ZNF589: variants seen among roughly 807,000 people sequenced by gnomAD.
ZNF589 encodes the protein zinc finger protein 589, also known as KRAB-zinc finger protein SZF1-1.
ZNF589 carries 17 observed loss-of-function variants against 13.6 expected under a neutral mutation model. The observed-to-expected ratio is 1.25, with a 90% CI of 0.86 to 1.88. The LOEUF is 1.88. ZNF589 is among the 40% of genes most tolerant of loss of function. ZNF589 has a pLI of 0.00. For synonymous variants in ZNF589, 148 were observed against 161.6 expected (o/e 0.92, Z 0.64); for missense variants, 407 against 434.0 (o/e 0.94, Z 0.55).
intron 3 of ZNF589, among the ~76,000 whole-genome samples, chr3:48,265,271 CTTTTTTTTTTTTTTTTTT>C (rs35060812): frequency 4.2e-5 from 2 of 47,838 alleles, no homozygotes; most frequent in African/African-American, 1.6e-4. Flanking sequence ...TGTGCCCGGC[CTTTTTTTTTTTTTTTTTT>C]TTTTTTTTTT....
At chr3:48,256,635 G>A (rs1030014502) in intron 2 of ZNF589, 8 of 960,102 alleles carry the variant, frequency 8.3e-6, no homozygotes, top group African/African-American at 3.2e-5. Context: ...GTGATCTTTC[G>A]GGGCAGCATG....
At position 48,270,095 on chromosome 3, in the gene ZNF589, G is replaced by C. The variant is rs1235924011; in HGVS notation, c.*1309G>C. On this transcript the variant is annotated 3_prime_UTR_variant, in exon 4 of 4. Coordinates refer to ENST00000354698, the MANE Select transcript of ZNF589 (RefSeq NM_016089.3). ...TCTGACTACTTCCTTCTGCAACTGTGTTCTTCCATTAGCTTCCATGACACT... is the reference window on the plus strand; with the variant it reads ...TCTGACTACTTCCTTCTGCAACTGTCTTCTTCCATTAGCTTCCATGACACT... 2.2e-6 allele frequency: 1 copy of C among 457,120 alleles called. No homozygotes were observed. The highest frequency in any genetic ancestry group is 4.4e-6 in the Non-Finnish European group (1 of 227,048). The allele number at this position is 457,120 out of a possible 1,614,324, so 28.3% of individuals were successfully genotyped here. A position where few individuals can be genotyped will look rare whatever the true frequency, so the allele number is the denominator to read the frequency against.
At position 48,241,241 on chromosome 3, in the gene ZNF589, C is replaced by T. The variant is rs377178058; in HGVS notation, c.43+27C>T. On this transcript the variant is annotated intron_variant, in intron 1 of 3. Transcript: ENST00000354698. ...TGAGTCGGGGCCGCGAGATCGCCTCCCCCATTCGGTGCTCCAGCCGCAGGC... is the reference window on the plus strand; with the variant it reads ...TGAGTCGGGGCCGCGAGATCGCCTCTCCCATTCGGTGCTCCAGCCGCAGGC... The T allele has an allele frequency of 8.7e-6, 14 of 1,607,776 alleles. No homozygotes were observed. The African/African-American group carries it at 1.7e-4, about 20-fold the overall frequency.
intron 2 of ZNF589, chr3:48,256,777 T>C (rs1460283722): frequency 1.2e-6 from 2 of 1,600,938 alleles, no homozygotes; most frequent in Admixed American, 3.4e-5. Flanking sequence ...TGGGAGTCGC[T>C]GTGATACGGC....
intron 2 of ZNF589, among the ~76,000 whole-genome samples, chr3:48,257,702 C>T (rs980420817): frequency 4.6e-5 from 7 of 151,668 alleles, no homozygotes; most frequent in Admixed American, 1.3e-4. Context: ...TATTTAAATT[C>T]GTGATTCATT....
chr3:48,247,323 G>C (rs2033780213), intron 1 of ZNF589, among the ~76,000 whole-genome samples: 2 of 151,804 alleles, frequency 1.3e-5, no homozygotes, highest in Admixed American at 1.3e-4. Context: ...CATAACACAT[G>C]GGGGGAAATG....
At chr3:48,265,736 T>C (rs904605903) in intron 3 of ZNF589, among the ~76,000 whole-genome samples, 7 of 152,192 alleles carry the variant, frequency 4.6e-5, no homozygotes, top group Admixed American at 3.3e-4. Flanking sequence ...AAAGTTTCTT[T>C]ACTATTCATT....
intron 2 of ZNF589, among the ~76,000 whole-genome samples, chr3:48,260,362 A>G (rs982521698): frequency 6.6e-6 from 1 of 151,200 alleles, no homozygotes; most frequent in African/African-American, 2.4e-5. Flanking sequence ...CTAGTCTTGA[A>G]CTCTTGGGCT....
intron 3 of ZNF589, 87 bp from the exon 4 acceptor site, chr3:48,267,828 A>ATGAT: frequency 8.8e-6 from 12 of 1,361,224 alleles, no homozygotes; most frequent in Non-Finnish European, 1.2e-5. Flanking sequence ...ATCATTGAGA[A>ATGAT]TGATTAATGG....
intron 1 of ZNF589, among the ~76,000 whole-genome samples, chr3:48,245,342 G>A (rs960797996): frequency 6.6e-6 from 1 of 152,002 alleles, no homozygotes; most frequent in Non-Finnish European, 1.5e-5. Flanking sequence ...GAACTTCTGG[G>A]CTCAAGCAAT....
chr3:48,248,278 C>T (rs989521414), intron 2 of ZNF589, among the ~76,000 whole-genome samples: 4 of 152,280 alleles, frequency 2.6e-5, no homozygotes, highest in South Asian at 2.1e-4. Flanking sequence ...TCCCCATTTT[C>T]GAGATGAGAT....
intron 3 of ZNF589, among the ~76,000 whole-genome samples, chr3:48,262,349 C>T (rs2033977037): frequency 6.6e-6 from 1 of 152,044 alleles, no homozygotes; most frequent in Admixed American, 6.6e-5. Context: ...ATCACCACAG[C>T]CGGCTAATTT....
chr3:48,246,701 C>T (rs1471663442), intron 1 of ZNF589, among the ~76,000 whole-genome samples: 1 of 152,184 alleles, frequency 6.6e-6, no homozygotes, highest in Non-Finnish European at 1.5e-5. Context: ...CGGAGTCTCG[C>T]TCTGTCGCCC....
rs766331160 is a variant in ZNF589 at position 48,268,332 on chromosome 3, C to T, written c.641C>T (p.Ala214Val). The change falls in exon 4 of 4, where the codon GCA becomes GTA. Residue 214 changes from alanine to valine, a missense_variant. Physicochemically the swap from Ala to Val is moderately conservative, Grantham distance 64 (BLOSUM62 0). Transcript: ENST00000354698. Reference sequence around the variant, plus strand: ...AGGGCAGAAACCCCAGGGTTTGGAGCAGTCACGTTTGGGGAGTGTGCACTA... The same window carrying T: ...AGGGCAGAAACCCCAGGGTTTGGAGTAGTCACGTTTGGGGAGTGTGCACTA... ...SKRAETPGFG[A>V]VTFGECALAF... 1 of 1,614,122 alleles carries T rather than the reference C, an allele frequency of 6.2e-7. No individual in the cohort carries two copies. Among genetic ancestry groups the T allele is most frequent in the East Asian group, 2.2e-5 (1 of 44,888 alleles).
rs746750001 is a variant in ZNF589, at chr3:48,247,608, CTTCT to C, written c.44-9_44-6del. 3.1e-6 allele frequency: 5 copies of C among 1,601,304 alleles called. No homozygotes were observed. Among genetic ancestry groups the C allele is most frequent in the Admixed American group, 1.7e-5 (1 of 59,324 alleles). ...TGGTAGGGCTGGCTTCTCAAGGTTG[CTTCT>C]TTCTTTCCCCAGCTCTGCCTGCCAA... On this transcript the variant is annotated splice_polypyrimidine_tract_variant and intron_variant, in intron 1 of 3. Coordinates refer to ENST00000354698, the MANE Select transcript of ZNF589 (RefSeq NM_016089.3).
intron 2 of ZNF589, among the ~76,000 whole-genome samples, chr3:48,248,058 T>A (rs2033790247): frequency 6.6e-6 from 1 of 152,252 alleles, no homozygotes; most frequent in Non-Finnish European, 1.5e-5. Context: ...TTTCACATTT[T>A]GTTTTAGAAA....
At chr3:48,261,032 T>G (rs2033965554) in intron 3 of ZNF589, 93 bp downstream of exon 3, 1 of 1,350,884 alleles carries the variant, frequency 7.4e-7, no homozygotes, top group African/African-American at 1.4e-5. Flanking sequence ...TTAGAACATA[T>G]CAGTGAATAG....
chr3:48,256,815 G>T, intron 2 of ZNF589: 1 of 1,504,576 alleles, frequency 6.6e-7, no homozygotes. Context: ...TTTCCTTCTT[G>T]GATTTCCACC....
At chr3:48,256,352 G>A (rs987477553) in intron 2 of ZNF589, 5 of 538,808 alleles carry the variant, frequency 9.3e-6, no homozygotes, top group Admixed American at 4.1e-5. Context: ...GTCTGTGAGT[G>A]ATACAGCTTC....
Sources: gnomAD v4.1 joint callset for allele counts (sites outside exome capture counted in the v4.1 genomes callset) on GRCh38, gnomAD v4.1.1 for gene constraint, MANE v1.5 for transcripts, NCBI Gene and HGNC (gene_info 2026-07-23, HGNC 2026-07-21) for gene names.